PLCH2: variants seen among roughly 807,000 people sequenced by gnomAD.
PLCH2 encodes the protein phospholipase C eta 2.
A neutral mutation model predicts 134.7 loss-of-function variants in PLCH2; 98 were observed. The ratio of observed to expected loss-of-function variants is 0.73; its 90% CI spans 0.62 to 0.86. The LOEUF (loss-of-function observed/expected upper bound fraction) is 0.86. Ranked by LOEUF, PLCH2 falls within the 40% of genes least tolerant of loss-of-function variation. The pLI, the probability that PLCH2 is intolerant of heterozygous loss-of-function variation, is 0.00. For missense variants in PLCH2, 1,994 were observed against 1,986.6 expected (o/e 1.00, Z -0.07); for synonymous variants, 974 against 827.5 (o/e 1.18, Z -3.04).
intron 2 of PLCH2, among the ~76,000 whole-genome samples, chr1:2,456,307 T>C (rs1367911088): frequency 2.0e-5 from 3 of 152,192 alleles, no homozygotes; most frequent in Admixed American, 6.5e-5. Flanking sequence ...CGCTGGCTCC[T>C]ACCTGACCTC....
intron 2 of PLCH2, among the ~76,000 whole-genome samples, chr1:2,458,147 G>A (rs114885982): frequency 0.024 from 3,653 of 152,286 alleles, 138 homozygotes; most frequent in African/African-American, 0.082. Context: ...ACAGCACAGG[G>A]AAGGTGGCCG....
intron 12 of PLCH2, 109 bp downstream of exon 12, chr1:2,495,057 AG>A: frequency 1.3e-6 from 1 of 755,934 alleles, no homozygotes; most frequent in South Asian, 1.8e-5. Context: ...CCCTGCTCCC[AG>A]TGCCCCAGTG....
the PLCH2 span, among the ~76,000 whole-genome samples, chr1:2,418,330 G>A: frequency 0.68 from 103,985 of 152,008 alleles, 35,773 homozygotes; most frequent in African/African-American, 0.72. Flanking sequence ...AGGAGTGGGG[G>A]TGTTTTAGTT....
Position 2,491,292 on chromosome 1 carries a change from T to C in PLCH2, c.1616T>C (p.Phe539Ser), listed in dbSNP as rs747835022. Reference sequence around the variant, plus strand: ...CGGGACTGTGAGGACCCCAACAACTTCTCCGTCTCCACACTGTCCCCATCT... The same window carrying C: ...CGGGACTGTGAGGACCCCAACAACTCCTCCGTCTCCACACTGTCCCCATCT... ...KIRDCEDPNN[F>S]SVSTLSPSGK... is the part of the protein sequence containing the mutation. Residue 539 changes from phenylalanine (F) to serine (S), a missense_variant, in exon 11 of 22, where the codon TTC becomes TCC. Physicochemically the swap from Phe to Ser is radical, Grantham distance 155 (BLOSUM62 -2). This residue lies in a region of PLCH2 where 1,094 missense variants were observed against 1,234.3 expected (regional missense o/e 0.89). Coordinates refer to ENST00000378486, the MANE Select transcript of PLCH2 (RefSeq NM_014638.4). The C allele has an allele frequency of 1.6e-5, 26 of 1,613,038 alleles. No individual in the cohort carries two copies. The Admixed American group carries it at 2.3e-4, about 14-fold the overall frequency.
At position 2,444,036 on chromosome 1, in the gene PLCH2, G is replaced by T. The variant is rs910520641; in HGVS notation, c.115+13407G>T. On this transcript the variant is annotated intron_variant, in intron 2 of 3. Coordinates refer to the PLCH2 transcript ENST00000609981. The surrounding 1 kb of genome is among the most constrained non-coding windows in gnomAD (Gnocchi z 4.6). ...GATGCGCGGGTGGACGCGCGGGGGC[G>T]CCGCAGCCCTGGTGCGGGTCGGGGC... Among the ~76,000 whole-genome samples the T allele has an allele frequency of 1.4e-4, 22 of 152,158 alleles. No individual in the cohort carries two copies. Among genetic ancestry groups the T allele is most frequent in the Non-Finnish European group, 4.4e-5 (3 of 67,998 alleles).
Position 2,497,024 on chromosome 1 carries a change from T to C in PLCH2, c.2116+14T>C, listed in dbSNP as rs1359514840. 1.2e-6 allele frequency: 2 copies of C among 1,609,224 alleles called. No individual in the cohort carries two copies. The highest frequency in any genetic ancestry group is 2.7e-5 in the African/African-American group (2 of 74,846). On this transcript the variant is annotated intron_variant, in intron 15 of 21. Coordinates refer to ENST00000378486, the MANE Select transcript of PLCH2 (RefSeq NM_014638.4). ...GCTGCCAAATGGGTGGGTGCGGGCA[T>C]GGTGCGCTGGGTGTGGTGGGGAGGG...
intron 1 of PLCH2, among the ~76,000 whole-genome samples, chr1:2,427,749 T>C (rs529897590): frequency 6.6e-6 from 1 of 152,062 alleles, no homozygotes; most frequent in African/African-American, 2.4e-5. Flanking sequence ...ACCGCAGGTA[T>C]TGAAACAGAA....
chr1:2,504,901 A>T lies in PLCH2; in HGVS notation c.3939A>T (p.Gly1313=), dbSNP rs1399753225. The change falls in exon 22 of 22, where the codon GGA becomes GGT. Residue 1313 remains glycine, a synonymous_variant. Coordinates refer to ENST00000378486, the MANE Select transcript of PLCH2 (RefSeq NM_014638.4). ...LRWLTVFQQA[G]DITSPTSLGP... is the part of the protein sequence containing the mutation. ...GGCTCACTGTCTTCCAGCAGGCAGG[A>T]GACATCACGTCACCCACCAGCCTGG... 6.3e-7 allele frequency: 1 copy of T among 1,584,694 alleles called. No individual in the cohort carries two copies. The highest frequency in any genetic ancestry group is 1.7e-5 in the Admixed American group (1 of 57,194).
Position 2,479,864 on chromosome 1 carries a change from C to T in PLCH2, c.402C>T (p.Asp134=), listed in dbSNP as rs1426627330. 1.2e-6 allele frequency: 2 copies of T among 1,611,540 alleles called. No homozygotes were observed. The highest frequency in any genetic ancestry group is 1.3e-5 in the African/African-American group (1 of 74,908). Residue 134 remains aspartate (D), a synonymous_variant, in exon 3 of 22, where the codon GAC becomes GAT. Transcript: ENST00000378486. ...IYHGSHRESL[D]LVSTSSEVAR... is the part of the protein sequence containing the mutation. ...ACGGCAGCCACCGCGAGTCGCTGGACCTGGTCTCCACCAGCAGCGAGGTGG... is the reference window on the plus strand; with the variant it reads ...ACGGCAGCCACCGCGAGTCGCTGGATCTGGTCTCCACCAGCAGCGAGGTGG...
intron 12 of PLCH2, among the ~76,000 whole-genome samples, 162 bp downstream of exon 12, chr1:2,495,110 C>A (rs1202584377): frequency 6.6e-6 from 1 of 152,152 alleles, no homozygotes; most frequent in African/African-American, 2.4e-5. Context: ...TCCTCCAGTC[C>A]CCAGGGTTCC....
upstream of PLCH2, among the ~76,000 whole-genome samples, chr1:2,473,876 G>T (rs1033321884): frequency 6.6e-6 from 1 of 152,242 alleles, no homozygotes; most frequent in Non-Finnish European, 1.5e-5. Context: ...TCTGGTGTGG[G>T]CCCACAGCCA....
chr1:2,457,798 G>A (rs767937455), intron 2 of PLCH2, among the ~76,000 whole-genome samples: 2 of 151,664 alleles, frequency 1.3e-5, no homozygotes, highest in South Asian at 2.1e-4. Flanking sequence ...CAGGAGGCGC[G>A]TGCTGGGAGC....
Position 2,498,695 on chromosome 1 carries a change from G to GGC in PLCH2, c.2349+48_2350-48insGC. The GGC allele has an allele frequency of 2.5e-6, 3 of 1,218,662 alleles. No individual in the cohort carries two copies. The highest frequency in any genetic ancestry group is 3.5e-6 in the Non-Finnish European group (3 of 848,702). 75.5% of individuals were successfully genotyped at this position (1,218,662 alleles called of 1,614,324 possible). A position where few individuals can be genotyped will look rare whatever the true frequency, so the allele number is the denominator to read the frequency against. ...CGGGAGGGGTGGGAGTTGGGGGCGG[G>GGC]CCGGGCATCGCGATGGGCCCTGATG... On this transcript the variant is annotated intron_variant, in intron 17 of 21. Coordinates refer to ENST00000378486, the MANE Select transcript of PLCH2 (RefSeq NM_014638.4). This position sits in a 1 kb window ranked among gnomAD's most constrained non-coding sequence, Gnocchi z 5.4.
chr1:2,485,754 G>A (rs897477316), intron 5 of PLCH2, among the ~76,000 whole-genome samples: 3 of 152,140 alleles, frequency 2.0e-5, no homozygotes, highest in African/African-American at 7.2e-5. Context: ...ATGGTCTGAG[G>A]GCGAGGATGG....
upstream of PLCH2, among the ~76,000 whole-genome samples, chr1:2,422,253 T>A (rs1570172622): frequency 6.6e-6 from 1 of 150,814 alleles, no homozygotes; most frequent in African/African-American, 2.4e-5. Context: ...TGGAGGACAG[T>A]GCAAGACTCC....
At chr1:2,424,235 TAGC>T (rs1286672816), upstream of PLCH2, among the ~76,000 whole-genome samples, 2 of 152,220 alleles carry the variant, frequency 1.3e-5, no homozygotes, top group Admixed American at 1.3e-4. Flanking sequence ...CATGTACTCT[TAGC>T]AGTTTTGAAA....
chr1:2,424,477 C>A (rs2494590), upstream of PLCH2, among the ~76,000 whole-genome samples: 5 of 152,068 alleles, frequency 3.3e-5, no homozygotes, highest in South Asian at 1.0e-3. Context: ...GTATTTGTCT[C>A]CTGTGGTTTG....
upstream of PLCH2, among the ~76,000 whole-genome samples, chr1:2,464,218 T>C (rs890005984): frequency 6.6e-6 from 1 of 151,962 alleles, no homozygotes; most frequent in African/African-American, 2.4e-5. Flanking sequence ...GGGGTTCGAG[T>C]GTTGGCAGGG....
At chr1:2,485,537 C>T (rs1642240308) in intron 5 of PLCH2, among the ~76,000 whole-genome samples, 2 of 152,084 alleles carry the variant, frequency 1.3e-5, no homozygotes, top group African/African-American at 4.8e-5. Context: ...TAGGGACCTC[C>T]ACTCTACTTG....
Sources: allele counts gnomAD v4.1 joint callset (sites outside exome capture counted in the v4.1 genomes callset), GRCh38; gene constraint gnomAD v4.1.1; regional missense constraint gnomAD v4.1.1; non-coding constraint Gnocchi (gnomAD v3.1); transcripts MANE v1.5; gene names NCBI Gene and HGNC (gene_info 2026-07-23, HGNC 2026-07-21).